Variants in KIAA1549 observed in about 807,000 individuals in gnomAD.
KIAA1549 encodes the protein UPF0606 protein KIAA1549.
A neutral mutation model predicts 156.4 loss-of-function variants in KIAA1549; 70 were observed. The ratio of observed to expected loss-of-function variants is 0.45; its 90% confidence interval spans 0.37 to 0.55. KIAA1549 has a LOEUF of 0.55. Ranked by LOEUF, KIAA1549 falls within the 20% of genes least tolerant of loss-of-function variation. KIAA1549 has a pLI of 0.00. For synonymous variants in KIAA1549, 1,103 were observed against 1,066.4 expected, an observed-to-expected ratio of 1.03 and a Z score of -0.67; for missense variants, 2,428 against 2,540.9, an observed-to-expected ratio of 0.96 and a Z score of 0.96.
rs371532655 is a variant in KIAA1549, at chr7:138,879,627, G to A, written c.4256C>T (p.Thr1419Met). The A allele has an allele frequency of 2.6e-5, 40 of 1,555,682 alleles. No homozygotes were observed. Among genetic ancestry groups the A allele is most frequent in the East Asian group, 4.8e-5 (2 of 41,620 alleles). ...CCTCTCGCTGGACTCTTCACTGACCGTAGAGTCAGCATCTGAGGGAGAAAC... is the reference window on the plus strand; with the variant it reads ...CCTCTCGCTGGACTCTTCACTGACCATAGAGTCAGCATCTGAGGGAGAAAC... ...GRVSPSDADSTVSEESSERDA... is the reference protein window; with the variant it reads ...GRVSPSDADSMVSEESSERDA... The change falls in exon 12 of 20, where the codon ACG becomes ATG. Residue 1419 changes from threonine to methionine, a missense_variant. Around this residue, in one of 5 missense-constraint regions of KIAA1549, gnomAD observed 404 missense variants for 417.0 expected, o/e 0.97. Coordinates refer to ENST00000422774, the MANE Select transcript of KIAA1549 (RefSeq NM_001164665.2).
In KIAA1549 at chr7:138,869,692, G is replaced by C; in HGVS notation, c.4621C>G (p.Arg1541Gly). The C allele has an allele frequency of 6.2e-7, 1 of 1,612,294 alleles. No homozygotes were observed. The highest frequency in any genetic ancestry group is 8.5e-7 in the Non-Finnish European group (1 of 1,179,842). ...ACCGGGAACTCGTAGTGCCCGCGGC[G>C]CTTGGCGCGCAGGCGGATCTTGTTG... ...HRNKIRLRAK[R>G]RGHYEFPVVD... Residue 1541 changes from arginine (R) to glycine (G), a missense_variant, in exon 14 of 20, where the codon CGC (arginine) becomes GGC (glycine). Arg to Gly is a moderately radical substitution (Grantham distance 125). Coordinates refer to ENST00000422774, the MANE Select transcript of KIAA1549 (RefSeq NM_001164665.2).
At chr7:138,955,636 C>G (rs573522454) in intron 1 of KIAA1549, among the ~76,000 whole-genome samples, 1 of 152,128 alleles carries the variant, frequency 6.6e-6, no homozygotes, top group African/African-American at 2.4e-5. Context: ...AAATTGTATA[C>G]ATAGCATGAT....
Position 138,837,310 on chromosome 7 carries a change from G to C in KIAA1549, c.*596C>G, listed in dbSNP as rs1809740420. On this transcript the variant is annotated 3_prime_UTR_variant, in exon 20 of 20. Transcript: ENST00000422774. ...ACCAGAAGAAGGAGGAAGAATGCGG[G>C]TGATGGCTTTGTTTGGAGTCATCAG... The C allele has an allele frequency of 4.4e-6, 1 of 228,530 alleles. No homozygotes were observed. Among genetic ancestry groups the C allele is most frequent in the African/African-American group, 2.2e-5 (1 of 45,082 alleles). The allele number at this position is 228,530 out of a possible 1,614,324, so 14.2% of individuals were successfully genotyped here.
At chr7:138,955,895 T>G (rs754820139) in intron 1 of KIAA1549, among the ~76,000 whole-genome samples, 13 of 152,030 alleles carry the variant, frequency 8.6e-5, no homozygotes, top group Non-Finnish European at 1.9e-4. Flanking sequence ...GGTTGTTTTT[T>G]GGGGGGTGGG....
Position 138,917,292 on chromosome 7 carries a change from G to A in KIAA1549, c.2334C>T (p.Asp778=), listed in dbSNP as rs888008088. ...TTGCTTGAATCCCGGCAGTCAAAAT[G>A]TCAAAAGACTCAGAGCCGGGGGGCA... ...ALVPPGSESF[D]ILTAGIQATS... The change falls in exon 2 of 20, where the codon GAC becomes GAT. Residue 778 remains aspartate (D), a synonymous_variant. Coordinates refer to ENST00000422774, the MANE Select transcript of KIAA1549 (RefSeq NM_001164665.2). The A allele has an allele frequency of 1.2e-6, 2 of 1,613,850 alleles. No homozygotes were observed. Among genetic ancestry groups the A allele is most frequent in the African/African-American group, 1.3e-5 (1 of 75,036 alleles).
chr7:138,919,164 G>A lies in KIAA1549; in HGVS notation c.462C>T (p.Asp154=), dbSNP rs191728209. ...CTGGCAGAAAGTTATCCATCTCATCGTCATTGACGGCCACCTCTTTACTCG... is the reference window on the plus strand; with the variant it reads ...CTGGCAGAAAGTTATCCATCTCATCATCATTGACGGCCACCTCTTTACTCG... ...SVTSKEVAVN[D]DEMDNFLPDT... Residue 154 remains aspartate, a synonymous_variant, in exon 2 of 20, where the codon GAC becomes GAT. Coordinates refer to ENST00000422774, the MANE Select transcript of KIAA1549 (RefSeq NM_001164665.2). The A allele has an allele frequency of 2.1e-4, 342 of 1,614,008 alleles. No individual in the cohort carries two copies. Among genetic ancestry groups the A allele is most frequent in the Admixed American group, 5.8e-4 (35 of 60,022 alleles).
chr7:138,919,619 A>C, intron 1 of KIAA1549, 181 bp from the exon 2 acceptor site: 1 of 1,079,302 alleles, frequency 9.3e-7, no homozygotes, highest in Non-Finnish European at 1.3e-6. Context: ...TACCATCAGG[A>C]CAATATCTGC....
chr7:138,921,407 C>T (rs1204335763), intron 1 of KIAA1549, among the ~76,000 whole-genome samples: 1 of 152,188 alleles, frequency 6.6e-6, no homozygotes, highest in East Asian at 1.9e-4. Flanking sequence ...TAAGACACTG[C>T]TATGGCTTAT....
At chr7:138,973,143 C>T (rs1350443486) in intron 1 of KIAA1549, among the ~76,000 whole-genome samples, 1 of 152,118 alleles carries the variant, frequency 6.6e-6, no homozygotes, top group Non-Finnish European at 1.5e-5. Context: ...TTTTTACTGA[C>T]TCTTGAAGCC....
intron 18 of KIAA1549, among the ~76,000 whole-genome samples, chr7:138,842,426 C>G (rs555355144): frequency 4.5e-4 from 68 of 152,338 alleles, no homozygotes; most frequent in Non-Finnish European, 5.1e-4. Flanking sequence ...GCGGCTCACG[C>G]CTGTAATCCC....
Position 138,837,655 on chromosome 7 carries a change from G to C in KIAA1549, c.*251C>G, listed in dbSNP as rs571709653. 7.1e-6 allele frequency: 4 copies of C among 560,710 alleles called. No individual in the cohort carries two copies. The highest frequency in any genetic ancestry group is 1.3e-5 in the Non-Finnish European group (4 of 319,804). The allele number at this position is 560,710 out of a possible 1,614,324, so 34.7% of individuals were successfully genotyped here. A position where few individuals can be genotyped will look rare whatever the true frequency, so the allele number is the denominator to read the frequency against. On this transcript the variant is annotated 3_prime_UTR_variant, in exon 20 of 20. Transcript: ENST00000422774. ...TAGGTTTGTGTTTTGTTTTTGTGAA[G>C]TGCTGCTGGCTTTTGGCCAAAATAC...
intron 1 of KIAA1549, among the ~76,000 whole-genome samples, chr7:138,963,965 G>A (rs111475252): frequency 0.023 from 3,521 of 152,308 alleles, 68 homozygotes; most frequent in Admixed American, 0.039. Flanking sequence ...ATCCTCACTG[G>A]TGGAGAAAAT....
Position 138,967,228 on chromosome 7 carries a change from G to A in KIAA1549, c.187+13855C>T, listed in dbSNP as rs558311433. 1.0e-3 allele frequency among the ~76,000 whole-genome samples: 153 copies of A among 152,296 alleles called. 1 individual carries two copies. The highest frequency in any genetic ancestry group is 3.6e-3 in the African/African-American group (151 of 41,556). The stretch of plus-strand genomic sequence containing the variant: ...CTGGTGGGGACTACAGTCCAGTGGA[G>A]GAAGGCAGAATGCACAGACAAATAT... On this transcript the variant is annotated intron_variant, in intron 1 of 19. Coordinates refer to ENST00000422774, the MANE Select transcript of KIAA1549 (RefSeq NM_001164665.2).
chr7:138,978,661 G>A (rs531076138), intron 1 of KIAA1549, among the ~76,000 whole-genome samples: 2 of 152,278 alleles, frequency 1.3e-5, no homozygotes, highest in Non-Finnish European at 2.9e-5. Flanking sequence ...AGACAGCCAC[G>A]GAAGGGAATG....
At chr7:138,922,987 C>T (rs1812606104) in intron 1 of KIAA1549, among the ~76,000 whole-genome samples, 1 of 152,002 alleles carries the variant, frequency 6.6e-6, no homozygotes, top group African/African-American at 2.4e-5. Context: ...AACCTATACA[C>T]ATCATGATAC....
At chr7:138,964,824 T>C (rs913757206) in intron 1 of KIAA1549, among the ~76,000 whole-genome samples, 3 of 152,230 alleles carry the variant, frequency 2.0e-5, no homozygotes, top group Non-Finnish European at 2.9e-5. Context: ...TTTGGCAATA[T>C]GCATCAAAAT....
intron 13 of KIAA1549, 39 bp from the exon 14 acceptor site, chr7:138,869,800 T>C (rs776860951): frequency 8.0e-6 from 12 of 1,498,292 alleles, no homozygotes; most frequent in Middle Eastern, 1.9e-4. Context: ...GCCATAGAGG[T>C]CCCGGGAAGC....
intron 10 of KIAA1549, among the ~76,000 whole-genome samples, chr7:138,885,052 G>A (rs1404035286): frequency 3.9e-5 from 6 of 152,040 alleles, no homozygotes; most frequent in Non-Finnish European, 8.8e-5. Flanking sequence ...AAAATTAGAC[G>A]GGCGTGGTGG....
chr7:138,930,542 C>T (rs1486293467), intron 1 of KIAA1549, among the ~76,000 whole-genome samples: 1 of 152,246 alleles, frequency 6.6e-6, no homozygotes, highest in African/African-American at 2.4e-5. Context: ...TTTGCTGTTA[C>T]ACCTTGTACT....
Sources: allele counts gnomAD v4.1 joint callset (sites outside exome capture counted in the v4.1 genomes callset), GRCh38; gene constraint gnomAD v4.1.1; regional missense constraint gnomAD v4.1.1; transcripts MANE v1.5; gene names NCBI Gene and HGNC (gene_info 2026-07-23, HGNC 2026-07-21).